Variants in NRXN3 observed in about 807,000 individuals in gnomAD.
NRXN3 encodes neurexin III.
NRXN3 carries 32 observed loss-of-function variants against 137.6 expected under a neutral mutation model. The ratio of observed to expected loss-of-function variants is 0.23; its 90% CI spans 0.18 to 0.31. The LOEUF is 0.31. NRXN3 is among the 10% of genes least tolerant of loss of function. The probability of loss-of-function intolerance (pLI) is 1.00; values close to 1 mark genes in which losing one functional copy is unlikely to be tolerated. For synonymous variants in NRXN3, 798 were observed against 784.5 expected (o/e 1.02, Z -0.29); for missense variants, 1,574 against 2,062.5 (o/e 0.76, Z 4.59).
intron 19 of NRXN3, among the ~76,000 whole-genome samples, chr14:79,722,181 C>G (rs754047055): frequency 6.6e-6 from 1 of 152,074 alleles, no homozygotes; most frequent in Non-Finnish European, 1.5e-5. Context: ...ATACACCCCT[C>G]CTCTCCATCA....
intron 6 of NRXN3, among the ~76,000 whole-genome samples, chr14:78,657,846 TA>T (rs59464530): frequency 3.2e-4 from 48 of 152,208 alleles, no homozygotes; most frequent in South Asian, 1.5e-3. Flanking sequence ...TTTTCTTCTT[TA>T]AAAAAAATAC....
At chr14:79,436,214 GAAACTGAT>G (rs762758346) in intron 15 of NRXN3, among the ~76,000 whole-genome samples, 2 of 152,162 alleles carry the variant, frequency 1.3e-5, no homozygotes, top group Admixed American at 6.5e-5. Flanking sequence ...ACTGTGTTCT[GAAACTGAT>G]AAAAAGCACT....
intron 10 of NRXN3, among the ~76,000 whole-genome samples, chr14:78,955,120 T>C (rs1373676523): frequency 6.6e-6 from 1 of 152,222 alleles, no homozygotes; most frequent in Admixed American, 6.5e-5. Flanking sequence ...AGCCCGTACT[T>C]GTAGCAGTTC....
chr14:78,566,331 C>T (rs2152292518), intron 4 of NRXN3, among the ~76,000 whole-genome samples: 1 of 151,048 alleles, frequency 6.6e-6, no homozygotes, highest in African/African-American at 2.4e-5. Flanking sequence ...GAAGTGGATG[C>T]AAAAAAATAT....
chr14:79,737,604 G>C (rs1426250648), intron 19 of NRXN3, among the ~76,000 whole-genome samples: 1 of 152,032 alleles, frequency 6.6e-6, no homozygotes, highest in Non-Finnish European at 1.5e-5. Flanking sequence ...TCGTCAGATT[G>C]CATATTTTGA....
chr14:78,190,736 C>T (rs1002423680), intron 1 of NRXN3, among the ~76,000 whole-genome samples: 9 of 152,032 alleles, frequency 5.9e-5, no homozygotes, highest in Non-Finnish European at 1.0e-4. Flanking sequence ...TGCAGTGGTG[C>T]GATCTTGGCT....
intron 15 of NRXN3, among the ~76,000 whole-genome samples, chr14:79,325,442 A>G (rs1566805291): frequency 6.6e-6 from 1 of 152,326 alleles, no homozygotes; most frequent in East Asian, 1.9e-4. Flanking sequence ...AGGTCTGGAC[A>G]TAATCCTGGT....
intron 15 of NRXN3, among the ~76,000 whole-genome samples, chr14:79,194,710 CAA>C (rs1426241106): frequency 6.6e-6 from 1 of 152,164 alleles, no homozygotes; most frequent in East Asian, 1.9e-4. Context: ...AGAAGGCACA[CAA>C]GAGACAAATG....
chr14:78,436,733 A>G (rs1360988575), intron 4 of NRXN3, among the ~76,000 whole-genome samples: 1 of 152,232 alleles, frequency 6.6e-6, no homozygotes, highest in Non-Finnish European at 1.5e-5. Context: ...ACAGTTAGTT[A>G]GAGTCTGCTT....
At chr14:79,565,275 GTA>G (rs1567519920) in intron 16 of NRXN3, among the ~76,000 whole-genome samples, 1 of 89,764 alleles carries the variant, frequency 1.1e-5, no homozygotes, top group South Asian at 3.6e-4. Context: ...ATGTGTGTGT[GTA>G]TACATATACG....
At chr14:78,589,233 C>T (rs2097094476) in intron 4 of NRXN3, among the ~76,000 whole-genome samples, 1 of 152,186 alleles carries the variant, frequency 6.6e-6, no homozygotes, top group African/African-American at 2.4e-5. Context: ...TCAAGAAGCT[C>T]TGCAAAAGCC....
chr14:78,629,388 A>G (rs1357186239), intron 4 of NRXN3, among the ~76,000 whole-genome samples: 1 of 152,206 alleles, frequency 6.6e-6, no homozygotes, highest in African/African-American at 2.4e-5. Context: ...AGGAATGCTC[A>G]AAAGGCCCCA....
intron 19 of NRXN3, among the ~76,000 whole-genome samples, chr14:79,792,317 GCTTCT>G (rs1429628350): frequency 2.0e-5 from 3 of 152,214 alleles, no homozygotes; most frequent in Admixed American, 2.0e-4. Context: ...TATAAATGTG[GCTTCT>G]CTTGTTTGTT....
intron 4 of NRXN3, among the ~76,000 whole-genome samples, chr14:78,425,822 G>A (rs1160498242): frequency 3.3e-5 from 5 of 152,114 alleles, no homozygotes. Context: ...CTCCTGTCTG[G>A]CTAGTTATTT....
chr14:79,754,125 C>T (rs115391491), intron 19 of NRXN3, among the ~76,000 whole-genome samples: 2 of 152,016 alleles, frequency 1.3e-5, no homozygotes, highest in African/African-American at 2.4e-5. Context: ...AGTTCAAGAC[C>T]AGCCTGGCCA....
intron 19 of NRXN3, chr14:79,791,370 T>G (rs1011434079): frequency 6.6e-6 from 1 of 151,254 alleles, no homozygotes; most frequent in Non-Finnish European, 1.5e-5. Flanking sequence ...TACATTTTCT[T>G]AAACAAGAAT....
intron 19 of NRXN3, among the ~76,000 whole-genome samples, chr14:79,757,167 A>G (rs551936176): frequency 6.6e-6 from 1 of 152,292 alleles, no homozygotes; most frequent in African/African-American, 2.4e-5. Context: ...GATTAATTGC[A>G]GCTGTGTGCA....
At chr14:79,327,237 G>A (rs542280575) in intron 15 of NRXN3, among the ~76,000 whole-genome samples, 9 of 152,246 alleles carry the variant, frequency 5.9e-5, no homozygotes, top group African/African-American at 1.9e-4. Context: ...CAGAAATGCC[G>A]TAGCTTGGAG....
chr14:78,901,992 G>A (rs553805007), intron 10 of NRXN3, among the ~76,000 whole-genome samples: 1 of 152,164 alleles, frequency 6.6e-6, no homozygotes, highest in Admixed American at 6.6e-5. Context: ...ATGCAAGGGG[G>A]CTGGAAATAG....
Sources: allele counts gnomAD v4.1 joint callset (sites outside exome capture counted in the v4.1 genomes callset), GRCh38; gene constraint gnomAD v4.1.1; transcripts MANE v1.5; gene names NCBI Gene and HGNC (gene_info 2026-07-23, HGNC 2026-07-21).